Variants in NELL1 observed in about 807,000 individuals in gnomAD.
NELL1 encodes the protein protein kinase C-binding protein NELL1.
A neutral mutation model predicts 107.4 loss-of-function variants in NELL1; 76 were observed. That is an observed-to-expected ratio of 0.71 (90% CI 0.59 to 0.86). The LOEUF is 0.86. Among genes scored for constraint, NELL1 ranks in the 40% least tolerant of loss-of-function variants. The pLI is 0.00. For missense variants in NELL1, 1,024 were observed against 1,005.5 expected (o/e 1.02, Z -0.25); for synonymous variants, 353 against 341.2 (o/e 1.03, Z -0.38).
At chr11:21,527,493 T>C (rs1034324926) in intron 15 of NELL1, among the ~76,000 whole-genome samples, 4 of 152,056 alleles carry the variant, frequency 2.6e-5, no homozygotes, top group Non-Finnish European at 5.9e-5. Context: ...CACCCCACTC[T>C]CAGTACCAAA....
At chr11:21,415,889 G>A (rs573080457) in intron 15 of NELL1, among the ~76,000 whole-genome samples, 2 of 152,196 alleles carry the variant, frequency 1.3e-5, no homozygotes, top group East Asian at 3.9e-4. Flanking sequence ...ATCAGGGACT[G>A]TTATTTCCAT....
intron 13 of NELL1, among the ~76,000 whole-genome samples, chr11:21,157,147 A>ATG (rs1277595604): frequency 1.6e-4 from 10 of 62,256 alleles, no homozygotes; most frequent in East Asian, 7.0e-4. Context: ...ATGAATGTGT[A>ATG]TGTATATATA....
intron 15 of NELL1, among the ~76,000 whole-genome samples, chr11:21,413,920 A>G (rs1852439849): frequency 6.6e-6 from 1 of 152,066 alleles, no homozygotes; most frequent in African/African-American, 2.4e-5. Context: ...TCTGGTTTAT[A>G]TTCCTCATAT....
At chr11:21,207,682 G>T (rs572048918) in intron 13 of NELL1, among the ~76,000 whole-genome samples, 1 of 152,080 alleles carries the variant, frequency 6.6e-6, no homozygotes, top group African/African-American at 2.4e-5. Context: ...CAGATCTGAG[G>T]AACAAAAGAC....
intron 15 of NELL1, among the ~76,000 whole-genome samples, chr11:21,380,789 A>C (rs1475234717): frequency 6.6e-6 from 1 of 152,058 alleles, no homozygotes; most frequent in East Asian, 1.9e-4. Flanking sequence ...TTAACTGGAA[A>C]CATCAATGCC....
chr11:21,117,360 C>T (rs1348274006), intron 13 of NELL1, among the ~76,000 whole-genome samples: 1 of 151,964 alleles, frequency 6.6e-6, no homozygotes, highest in African/African-American at 2.4e-5. Flanking sequence ...GGGCCTTTTT[C>T]CTTTTGTTCT....
intron 3 of NELL1, among the ~76,000 whole-genome samples, chr11:20,807,154 A>G (rs999981040): frequency 1.3e-5 from 2 of 151,732 alleles, no homozygotes; most frequent in Non-Finnish European, 2.9e-5. Flanking sequence ...TGTAGTCTTC[A>G]CAGTCTGGGC....
At chr11:20,935,250 G>T (rs906552340) in intron 9 of NELL1, among the ~76,000 whole-genome samples, 1 of 152,100 alleles carries the variant, frequency 6.6e-6, no homozygotes, top group African/African-American at 2.4e-5. Context: ...TAGGTTCAAA[G>T]TACAATAGAA....
intron 4 of NELL1, among the ~76,000 whole-genome samples, chr11:20,869,447 C>A (rs1163447333): frequency 2.0e-5 from 3 of 152,080 alleles, no homozygotes; most frequent in African/African-American, 4.8e-5. Flanking sequence ...TGCTGATGGA[C>A]AATTAATCTA....
chr11:21,558,282 C>T (rs1232862282), intron 16 of NELL1, among the ~76,000 whole-genome samples: 1 of 151,310 alleles, frequency 6.6e-6, no homozygotes, highest in African/African-American at 2.4e-5. Context: ...TGTGGATCTC[C>T]CGTTGCTTTT....
intron 2 of NELL1, among the ~76,000 whole-genome samples, chr11:20,749,566 G>A (rs1478770823): frequency 6.6e-6 from 1 of 151,990 alleles, no homozygotes; most frequent in Non-Finnish European, 1.5e-5. Flanking sequence ...ATGCCACCAC[G>A]CTTCAGCTTG....
At chr11:20,696,502 C>G (rs1854621095) in intron 2 of NELL1, among the ~76,000 whole-genome samples, 1 of 152,024 alleles carries the variant, frequency 6.6e-6, no homozygotes, top group African/African-American at 2.4e-5. Context: ...ATATATTTAA[C>G]ATTATTGCCA....
intron 15 of NELL1, among the ~76,000 whole-genome samples, chr11:21,476,090 A>G (rs1033955661): frequency 1.3e-5 from 2 of 152,150 alleles, no homozygotes; most frequent in African/African-American, 4.8e-5. Flanking sequence ...TACTTAAATT[A>G]ACTTACTTAA....
chr11:21,015,703 A>C (rs1405446985), intron 12 of NELL1, among the ~76,000 whole-genome samples: 2 of 151,384 alleles, frequency 1.3e-5, no homozygotes, highest in Non-Finnish European at 2.9e-5. Flanking sequence ...TTTCCCTCCC[A>C]CTAAGAATCA....
At chr11:20,726,583 C>T (rs1417220043) in intron 2 of NELL1, among the ~76,000 whole-genome samples, 1 of 151,876 alleles carries the variant, frequency 6.6e-6, no homozygotes, top group Admixed American at 6.6e-5. Flanking sequence ...AATACAATCA[C>T]CAATATTTTT....
intron 3 of NELL1, among the ~76,000 whole-genome samples, chr11:20,784,337 G>A (rs148566912): frequency 2.6e-5 from 4 of 152,320 alleles, no homozygotes; most frequent in African/African-American, 7.2e-5. Flanking sequence ...GCTAAGTGTT[G>A]TGGTAGCCAA....
At chr11:21,233,854 T>A (rs951039620) in intron 14 of NELL1, among the ~76,000 whole-genome samples, 1 of 152,236 alleles carries the variant, frequency 6.6e-6, no homozygotes, top group African/African-American at 2.4e-5. Flanking sequence ...GATGTGGTGA[T>A]CTTTGAAAGC....
intron 2 of NELL1, among the ~76,000 whole-genome samples, chr11:20,758,384 C>G (rs1163353698): frequency 2.6e-5 from 4 of 152,192 alleles, no homozygotes; most frequent in Non-Finnish European, 5.9e-5. Context: ...TTCCATGAAT[C>G]TGGCTCCAAA....
chr11:21,207,438 G>C (rs1446231226), intron 13 of NELL1, among the ~76,000 whole-genome samples: 1 of 152,144 alleles, frequency 6.6e-6, no homozygotes, highest in Non-Finnish European at 1.5e-5. Flanking sequence ...GGAGAGTAAT[G>C]AATCTAATAA....
Sources: gnomAD v4.1 joint callset for allele counts (sites outside exome capture counted in the v4.1 genomes callset) on GRCh38, gnomAD v4.1.1 for gene constraint, MANE v1.5 for transcripts, NCBI Gene and HGNC (gene_info 2026-07-23, HGNC 2026-07-21) for gene names.